The following CCDC170 variants were observed in gnomAD, a reference collection of about 807,000 sequenced individuals.
The protein encoded by CCDC170 is coiled-coil domain-containing protein 170.
A neutral mutation model predicts 72.6 loss-of-function variants in CCDC170; 69 were observed. The ratio of observed to expected loss-of-function variants is 0.95; its 90% confidence interval spans 0.78 to 1.16. The LOEUF (loss-of-function observed/expected upper bound fraction) is 1.16. Among genes scored for constraint, CCDC170 ranks in the 50% most tolerant of loss-of-function variants. The pLI is 0.00. For synonymous variants in CCDC170, 300 were observed against 303.9 expected (o/e 0.99, Z 0.13); for missense variants, 852 against 832.5 (o/e 1.02, Z -0.29).
At chr6:151,522,416 C>A (rs560435117) in intron 1 of CCDC170, among the ~76,000 whole-genome samples, 1 of 152,280 alleles carries the variant, frequency 6.6e-6, no homozygotes, top group South Asian at 2.1e-4. Flanking sequence ...TGTAAAGGAA[C>A]CTTTTTCAAT....
At chr6:151,596,886 A>G (rs1825167) in intron 9 of CCDC170, among the ~76,000 whole-genome samples, 62,482 of 151,720 alleles carry the variant, frequency 0.41, 15,287 homozygotes, top group East Asian at 0.83. Flanking sequence ...GAGTGCAATG[A>G]CGTGATCTTG....
At chr6:151,615,757 A>G in intron 10 of CCDC170, 78 bp downstream of exon 10, 1 of 1,042,754 alleles carries the variant, frequency 9.6e-7, no homozygotes, top group Non-Finnish European at 1.4e-6. Flanking sequence ...ATACTTATTC[A>G]TGCATTTCTT....
At chr6:151,591,006 A>G (rs531440626) in intron 7 of CCDC170, among the ~76,000 whole-genome samples, 15 of 152,358 alleles carry the variant, frequency 9.8e-5, no homozygotes, top group Non-Finnish European at 5.9e-5. Flanking sequence ...ATGGTATTGT[A>G]GCACAATGCA....
chr6:151,566,169 G>C (rs1266831750), intron 5 of CCDC170, among the ~76,000 whole-genome samples: 1 of 152,154 alleles, frequency 6.6e-6, no homozygotes, highest in Non-Finnish European at 1.5e-5. Context: ...CTCAGATTTG[G>C]GGAAGGTCTT....
At chr6:151,603,654 C>T (rs757848759) in intron 9 of CCDC170, among the ~76,000 whole-genome samples, 3 of 152,190 alleles carry the variant, frequency 2.0e-5, no homozygotes, top group Admixed American at 1.3e-4. Context: ...AGAGGAGAGG[C>T]ATTTATTCCC....
At chr6:151,512,106 A>ATG (rs1452047907) in intron 1 of CCDC170, among the ~76,000 whole-genome samples, 2 of 150,756 alleles carry the variant, frequency 1.3e-5, no homozygotes, top group Admixed American at 6.6e-5. Context: ...CAACCTCCCA[A>ATG]TGTGCTGGGA....
intron 1 of CCDC170, among the ~76,000 whole-genome samples, chr6:151,496,515 T>C (rs1343367792): frequency 2.0e-5 from 3 of 152,220 alleles, no homozygotes; most frequent in East Asian, 3.8e-4. Context: ...GAGATCATCT[T>C]ATAATTTAGA....
At chr6:151,535,215 G>C (rs1283751213) in intron 1 of CCDC170, among the ~76,000 whole-genome samples, 1 of 152,114 alleles carries the variant, frequency 6.6e-6, no homozygotes, top group Non-Finnish European at 1.5e-5. Flanking sequence ...CAAAAAGTCT[G>C]GATATATGAC....
rs564585080 is a variant in CCDC170 at position 151,620,686 on chromosome 6, A to G, written c.*2539A>G. 1 of 152,186 alleles carries G rather than the reference A, an allele frequency of 6.6e-6. No individual in the cohort carries two copies. Among genetic ancestry groups the G allele is most frequent in the East Asian group, 1.9e-4 (1 of 5,176 alleles). The allele number at this position is 152,186 out of a possible 1,614,324, so 9.4% of individuals were successfully genotyped here. On this transcript the variant is annotated 3_prime_UTR_variant, in exon 11 of 11. Coordinates refer to ENST00000239374, the MANE Select transcript of CCDC170 (RefSeq NM_025059.4). The stretch of plus-strand genomic sequence containing the variant: ...GTATGAGAGTGGAGATTGTTTTTGT[A>G]CATTCTCTTTGTTTTCATTTTCCAA...
chr6:151,532,736 A>G (rs1163425986), intron 1 of CCDC170, among the ~76,000 whole-genome samples: 1 of 152,248 alleles, frequency 6.6e-6, no homozygotes, highest in Non-Finnish European at 1.5e-5. Context: ...ACATGACCCC[A>G]GTAACAATAT....
At chr6:151,545,139 G>T (rs1386545584) in intron 4 of CCDC170, among the ~76,000 whole-genome samples, 1 of 152,150 alleles carries the variant, frequency 6.6e-6, no homozygotes, top group Non-Finnish European at 1.5e-5. Context: ...CCAAATAGTG[G>T]CTGGGCGCGG....
At chr6:151,601,898 T>C (rs1255867863) in intron 9 of CCDC170, among the ~76,000 whole-genome samples, 1 of 152,242 alleles carries the variant, frequency 6.6e-6, no homozygotes, top group Non-Finnish European at 1.5e-5. Context: ...AGTTGATACA[T>C]AAAATTAACC....
At chr6:151,530,756 T>C (rs1241640190) in intron 1 of CCDC170, among the ~76,000 whole-genome samples, 2 of 152,130 alleles carry the variant, frequency 1.3e-5, no homozygotes, top group African/African-American at 4.8e-5. Flanking sequence ...TTATTAAATA[T>C]ATTTAAAATG....
At chr6:151,548,857 C>A (rs943397642) in intron 5 of CCDC170, among the ~76,000 whole-genome samples, 19 of 151,702 alleles carry the variant, frequency 1.3e-4, no homozygotes, top group Non-Finnish European at 2.9e-5. Context: ...GTAGCTGGGA[C>A]TACAGGCACC....
intron 6 of CCDC170, among the ~76,000 whole-genome samples, chr6:151,582,218 T>C (rs1776387719): frequency 6.6e-6 from 1 of 152,236 alleles, no homozygotes; most frequent in Non-Finnish European, 1.5e-5. Flanking sequence ...AAGTCTGTTG[T>C]TTGGTGTCGC....
chr6:151,508,554 A>T (rs1225977092), intron 1 of CCDC170, among the ~76,000 whole-genome samples: 2 of 151,768 alleles, frequency 1.3e-5, no homozygotes, highest in African/African-American at 4.8e-5. Flanking sequence ...AACCAAAAAA[A>T]CCCCAAAAAT....
chr6:151,572,891 G>A lies in CCDC170; in HGVS notation c.775-283G>A, dbSNP rs142858463. On this transcript the variant is annotated intron_variant, in intron 5 of 10. Coordinates refer to ENST00000239374, the MANE Select transcript of CCDC170 (RefSeq NM_025059.4). ...CTGGTCTTGAACTCCTGACCTTAGT[G>A]ATCCACCCACCTCAGCCTCCAAAAT... Among the ~76,000 whole-genome samples the A allele has an allele frequency of 7.2e-3, 1,087 of 151,814 alleles. 10 individuals carry two copies. Among genetic ancestry groups the A allele is most frequent in the African/African-American group, 0.025 (1,021 of 41,366 alleles).
At position 151,604,557 on chromosome 6, in the gene CCDC170, C is replaced by T. The variant is rs752587499; in HGVS notation, c.1710+7980C>T. Among the ~76,000 whole-genome samples the T allele has an allele frequency of 3.3e-5, 5 of 152,192 alleles. No homozygotes were observed. In the South Asian group the frequency reaches 6.2e-4, roughly 19 times the overall value. On this transcript the variant is annotated intron_variant, in intron 9 of 10. Transcript: ENST00000239374. ...TTAACAATACTTTATTGTATATCTT[C>T]GAATAGCTAGAAAAGAGGATTTTGA...
rs1777034399 is a variant in CCDC170 at position 151,619,999 on chromosome 6, G to A, written c.*1852G>A. ...TTGCAATAATTGTAAAAATTTGAAT[G>A]TGGACTAAGTCCTAGATTATATTAA... On this transcript the variant is annotated 3_prime_UTR_variant, in exon 11 of 11. Coordinates refer to ENST00000239374, the MANE Select transcript of CCDC170 (RefSeq NM_025059.4). The A allele has an allele frequency of 6.6e-6, 1 of 152,036 alleles. No individual in the cohort carries two copies. The highest frequency in any genetic ancestry group is 2.4e-5 in the African/African-American group (1 of 41,408). The allele number at this position is 152,036 out of a possible 1,614,324, so 9.4% of individuals were successfully genotyped here.
Sources: allele counts gnomAD v4.1 joint callset (sites outside exome capture counted in the v4.1 genomes callset), GRCh38; gene constraint gnomAD v4.1.1; transcripts MANE v1.5; gene names NCBI Gene and HGNC (gene_info 2026-07-23, HGNC 2026-07-21).